NCOA7: variants seen among roughly 807,000 people sequenced by gnomAD.
The protein encoded by NCOA7 is nuclear receptor coactivator 7.
Under a neutral mutation model 104.3 loss-of-function variants are expected in NCOA7, and 45 were observed. The observed-to-expected ratio is 0.43, with a 90% confidence interval of 0.34 to 0.55. The LOEUF (loss-of-function observed/expected upper bound fraction) is 0.55. Ranked by LOEUF, NCOA7 falls within the 20% of genes least tolerant of loss-of-function variation. NCOA7 has a pLI of 0.02. For synonymous variants in NCOA7, 398 were observed against 402.3 expected (o/e 0.99, Z 0.13); for missense variants, 1,041 against 1,119.7 (o/e 0.93, Z 1.00).
At chr6:125,819,510 A>G (rs1777955421) in intron 2 of NCOA7, among the ~76,000 whole-genome samples, 1 of 152,102 alleles carries the variant, frequency 6.6e-6, no homozygotes, top group African/African-American at 2.4e-5. Context: ...TTAAATCTAG[A>G]TTGAATGATT....
intron 1 of NCOA7, among the ~76,000 whole-genome samples, chr6:125,784,758 A>G (rs768660797): frequency 6.6e-6 from 1 of 152,204 alleles, no homozygotes; most frequent in Non-Finnish European, 1.5e-5. Context: ...TCTCAAGGGA[A>G]TTATACTGAA....
intron 1 of NCOA7, chr6:125,798,100 C>T (rs561335466): frequency 6.6e-6 from 1 of 152,294 alleles, no homozygotes; most frequent in East Asian, 1.9e-4. Context: ...GGCTGGTATA[C>T]CTTCAATGGA....
At chr6:125,892,405 A>C (rs945843815) in intron 10 of NCOA7, among the ~76,000 whole-genome samples, 4 of 152,084 alleles carry the variant, frequency 2.6e-5, no homozygotes, top group African/African-American at 9.7e-5. Flanking sequence ...GGTTTTTGTG[A>C]GCTTTTAAAA....
chr6:125,874,902 C>G lies in NCOA7; in HGVS notation c.285C>G (p.Asn95Lys). The change falls in exon 4 of 16, where the codon AAC (asparagine) becomes AAG (lysine). Residue 95 changes from asparagine to lysine, a missense_variant. This residue lies in a region of NCOA7 where 914 missense variants were observed against 942.7 expected (regional missense o/e 0.97). Transcript: ENST00000392477. The part of the protein sequence containing the change: ...KRYYSIDDNQ[N>K]KTHDKKEKKM... ...TTTATTCTTCAGATGACAATCAAAACAAAACACATGATAAAAAAGAGAAGA... is the reference window on the plus strand; with the variant it reads ...TTTATTCTTCAGATGACAATCAAAAGAAAACACATGATAAAAAAGAGAAGA... 1 of 1,612,796 alleles carries G rather than the reference C, an allele frequency of 6.2e-7. No individual in the cohort carries two copies. The highest frequency in any genetic ancestry group is 1.7e-5 in the Admixed American group (1 of 59,984).
chr6:125,795,396 G>A (rs1280028258), intron 1 of NCOA7, among the ~76,000 whole-genome samples: 1 of 152,150 alleles, frequency 6.6e-6, no homozygotes, highest in African/African-American at 2.4e-5. Context: ...TGGCTCTAGA[G>A]TGAAAGTACT....
chr6:125,790,621 G>GC (rs35458446), upstream of NCOA7: 150,422 of 152,092 alleles, frequency 0.99, 74,392 homozygotes, highest in East Asian at 1. Context: ...GCAGAGCCCG[G>GC]CGCGAGCTCC....
intron 2 of NCOA7, among the ~76,000 whole-genome samples, chr6:125,849,074 A>G (rs1295370519): frequency 6.6e-6 from 1 of 152,216 alleles, no homozygotes; most frequent in Non-Finnish European, 1.5e-5. Context: ...AATGTGTGCC[A>G]TGTAAGAAAG....
At chr6:125,921,977 A>C (rs1204869428) in intron 12 of NCOA7, among the ~76,000 whole-genome samples, 1 of 152,194 alleles carries the variant, frequency 6.6e-6, no homozygotes, top group Non-Finnish European at 1.5e-5. Context: ...ATAATCATTA[A>C]GTTTGGCTCC....
intron 12 of NCOA7, 56 bp downstream of exon 12, chr6:125,921,124 C>T: frequency 1.3e-6 from 2 of 1,587,296 alleles, no homozygotes; most frequent in Non-Finnish European, 1.7e-6. Context: ...GAAATATTTC[C>T]CTTGGCCAGG....
At chr6:125,833,969 G>T (rs1429921305) in intron 2 of NCOA7, among the ~76,000 whole-genome samples, 1 of 151,918 alleles carries the variant, frequency 6.6e-6, no homozygotes, top group African/African-American at 2.4e-5. Context: ...AATAATAATA[G>T]AATTTAAAAA....
chr6:125,891,756 T>G (rs1385368043), intron 10 of NCOA7, among the ~76,000 whole-genome samples: 2 of 152,196 alleles, frequency 1.3e-5, no homozygotes, highest in African/African-American at 2.4e-5. Flanking sequence ...AATTATAGTT[T>G]AATGTGAAAA....
At chr6:125,893,098 T>C (rs1207009454) in intron 10 of NCOA7, among the ~76,000 whole-genome samples, 1 of 152,216 alleles carries the variant, frequency 6.6e-6, no homozygotes, top group Non-Finnish European at 1.5e-5. Flanking sequence ...AAGGGGGAGC[T>C]AAGAAGTGGC....
chr6:125,915,334 G>A lies in NCOA7; in HGVS notation c.2098G>A (p.Val700Met), dbSNP rs773764248. ...ATCTGTCACAAACGTGTTTTTCAGG[G>A]TGGATCATTTGTACACATTCTTTGT... is the stretch of plus-strand genomic sequence containing the variant. ...EYWFAVPRERVDHLYTFFVQW... is the reference protein window; with the variant it reads ...EYWFAVPRERMDHLYTFFVQW... The change falls in exon 11 of 16, where the codon GTG becomes ATG. Residue 700 changes from valine to methionine, a missense_variant and splice_region_variant. By Grantham distance (21) the Val-to-Met change is conservative (BLOSUM62 1). This residue lies in a region of NCOA7 where 914 missense variants were observed against 942.7 expected (regional missense o/e 0.97). Transcript: ENST00000392477. 7 of 1,613,426 alleles carry A rather than the reference G, an allele frequency of 4.3e-6. No individual in the cohort carries two copies. The highest frequency in any genetic ancestry group is 1.7e-6 in the Non-Finnish European group (2 of 1,179,590).
intron 6 of NCOA7, among the ~76,000 whole-genome samples, chr6:125,882,206 C>T (rs1783897057): frequency 6.6e-6 from 1 of 151,750 alleles, no homozygotes; most frequent in African/African-American, 2.4e-5. Flanking sequence ...TGGGTTCATA[C>T]ATATGCCTTT....
chr6:125,920,365 C>G (rs888772251), intron 11 of NCOA7, among the ~76,000 whole-genome samples: 1 of 152,136 alleles, frequency 6.6e-6, no homozygotes, highest in Admixed American at 6.5e-5. Flanking sequence ...TCCTCATCAC[C>G]GCAAACTCCC....
intron 1 of NCOA7, among the ~76,000 whole-genome samples, chr6:125,811,917 T>C (rs1009763239): frequency 2.0e-5 from 3 of 152,202 alleles, no homozygotes; most frequent in African/African-American, 7.2e-5. Flanking sequence ...CTAGCTCATC[T>C]CCAAATGCTT....
intron 2 of NCOA7, among the ~76,000 whole-genome samples, chr6:125,818,348 C>T (rs1281672715): frequency 2.6e-5 from 4 of 152,086 alleles, no homozygotes; most frequent in Non-Finnish European, 4.4e-5. Flanking sequence ...GTTTTTTCAA[C>T]TCAGAAATGT....
At chr6:125,800,506 A>C (rs1448737252) in intron 1 of NCOA7, among the ~76,000 whole-genome samples, 2 of 152,268 alleles carry the variant, frequency 1.3e-5, no homozygotes, top group African/African-American at 4.8e-5. Flanking sequence ...AATAAAAGGC[A>C]AGACCTTACC....
intron 7 of NCOA7, among the ~76,000 whole-genome samples, chr6:125,884,048 ACT>A (rs1784067612): frequency 6.6e-6 from 1 of 151,422 alleles, no homozygotes; most frequent in Non-Finnish European, 1.5e-5. Context: ...TCACCATTCT[ACT>A]CTCTACTTCT....
Sources: allele counts gnomAD v4.1 joint callset (sites outside exome capture counted in the v4.1 genomes callset), GRCh38; gene constraint gnomAD v4.1.1; regional missense constraint gnomAD v4.1.1; transcripts MANE v1.5; gene names NCBI Gene and HGNC (gene_info 2026-07-23, HGNC 2026-07-21).